TTC39B: variants seen among roughly 807,000 people sequenced by gnomAD.
TTC39B encodes tetratricopeptide repeat domain 39B.
Under a neutral mutation model 96.6 loss-of-function variants are expected in TTC39B, and 92 were observed. That is an observed-to-expected ratio of 0.95 (90% CI 0.80 to 1.13). The LOEUF (loss-of-function observed/expected upper bound fraction) is 1.13, where lower values mean the gene tolerates loss of function less well. TTC39B is among the 50% of genes most tolerant of loss of function. TTC39B has a pLI of 0.00. For missense variants in TTC39B, 955 were observed against 809.3 expected, an observed-to-expected ratio of 1.18 and a Z score of -2.18; for synonymous variants, 367 against 299.4, an observed-to-expected ratio of 1.23 and a Z score of -2.33.
rs995427098 is a variant in TTC39B, at chr9:15,281,676, G to C, written c.241-13728C>G. On this transcript the variant is annotated intron_variant, in intron 1 of 19. Transcript: ENST00000512701. The stretch of plus-strand genomic sequence containing the variant: ...TGGCAAAAAGCTAAATGCCTCTTCT[G>C]CATTTTTTTTTTCTTTTTGAGACAG... Among the ~76,000 whole-genome samples the C allele has an allele frequency of 1.2e-3, 149 of 129,324 alleles. 1 individual carries two copies. Among genetic ancestry groups the C allele is most frequent in the African/African-American group, 4.2e-3 (112 of 26,898 alleles). 84.8% of individuals were successfully genotyped at this position (129,324 alleles called of 152,430 possible).
At chr9:15,194,162 T>A (rs958563393) in intron 8 of TTC39B, among the ~76,000 whole-genome samples, 1 of 152,236 alleles carries the variant, frequency 6.6e-6, no homozygotes, top group African/African-American at 2.4e-5. Context: ...GATGGAAATT[T>A]TTTGTAATAA....
At chr9:15,263,260 G>A (rs1004376153) in intron 2 of TTC39B, among the ~76,000 whole-genome samples, 2 of 152,204 alleles carry the variant, frequency 1.3e-5, no homozygotes, top group Non-Finnish European at 2.9e-5. Context: ...GAGCAGAAAA[G>A]TACCGATGTT....
chr9:15,171,826 T>C, exon 20 of TTC39B: 1 of 377,736 alleles, frequency 2.6e-6, no homozygotes, highest in East Asian at 4.2e-5. Context: ...TTCTAGATAA[T>C]ATAGAATGCC....
chr9:15,198,922 G>A (rs1819348500), intron 8 of TTC39B, among the ~76,000 whole-genome samples: 1 of 152,124 alleles, frequency 6.6e-6, no homozygotes, highest in African/African-American at 2.4e-5. Context: ...CAGATTTCAA[G>A]ACAAGGAATA....
chr9:15,172,017 G>T, exon 20 of TTC39B: 1 of 1,609,862 alleles, frequency 6.2e-7, no homozygotes, highest in South Asian at 1.1e-5. Context: ...TTCAAGTTCT[G>T]ATCAATCTGA....
chr9:15,233,218 T>C (rs1331296742), intron 2 of TTC39B, among the ~76,000 whole-genome samples: 1 of 152,080 alleles, frequency 6.6e-6, no homozygotes, highest in African/African-American at 2.4e-5. Flanking sequence ...AGAAAACTGG[T>C]TCGAGAAGCA....
chr9:15,217,183 A>G (rs1820568903), intron 3 of TTC39B, among the ~76,000 whole-genome samples: 1 of 152,196 alleles, frequency 6.6e-6, no homozygotes, highest in Non-Finnish European at 1.5e-5. Flanking sequence ...TCTTTGAACA[A>G]AAGAAAATAC....
At chr9:15,240,697 A>G (rs1234478758) in intron 2 of TTC39B, among the ~76,000 whole-genome samples, 1 of 152,198 alleles carries the variant, frequency 6.6e-6, no homozygotes, top group Non-Finnish European at 1.5e-5. Context: ...CAAGAACAGT[A>G]TAATTTATTA....
intron 1 of TTC39B, among the ~76,000 whole-genome samples, chr9:15,278,989 G>A (rs1823650515): frequency 6.6e-6 from 1 of 152,178 alleles, no homozygotes; most frequent in Non-Finnish European, 1.5e-5. Flanking sequence ...AAGGCTCAGA[G>A]ATTTAAATAA....
chr9:15,285,258 G>C (rs1050940252), intron 1 of TTC39B, among the ~76,000 whole-genome samples: 44 of 148,300 alleles, frequency 3.0e-4, no homozygotes, highest in African/African-American at 1.1e-3. Context: ...GACAGAGCAA[G>C]ACTCCGTCTC....
intron 16 of TTC39B, 47 bp from the exon 17 acceptor site, chr9:15,182,462 A>G: frequency 1.5e-6 from 2 of 1,317,206 alleles, no homozygotes; most frequent in Non-Finnish European, 2.1e-6. Flanking sequence ...GAGGTTATTC[A>G]ATGTCCTTTA....
chr9:15,296,823 G>C (rs914872676), intron 1 of TTC39B, among the ~76,000 whole-genome samples: 1 of 152,112 alleles, frequency 6.6e-6, no homozygotes, highest in Non-Finnish European at 1.5e-5. Context: ...AAAAGGCAGG[G>C]CCAGGCATGG....
At chr9:15,184,562 T>C (rs917644582) in intron 16 of TTC39B, among the ~76,000 whole-genome samples, 1 of 152,242 alleles carries the variant, frequency 6.6e-6, no homozygotes, top group Non-Finnish European at 1.5e-5. Flanking sequence ...TCAGTATTTT[T>C]TGAAGAACAC....
intron 1 of TTC39B, among the ~76,000 whole-genome samples, chr9:15,295,102 T>C (rs1824325536): frequency 6.6e-6 from 1 of 152,200 alleles, no homozygotes; most frequent in Non-Finnish European, 1.5e-5. Context: ...GCACATTTAA[T>C]TCATAAGGCT....
At chr9:15,289,383 C>T (rs1824097102) in intron 1 of TTC39B, among the ~76,000 whole-genome samples, 1 of 152,160 alleles carries the variant, frequency 6.6e-6, no homozygotes, top group African/African-American at 2.4e-5. Flanking sequence ...TACACAAATG[C>T]TAATTAAATT....
intron 1 of TTC39B, among the ~76,000 whole-genome samples, chr9:15,278,013 T>A (rs1279823437): frequency 2.0e-5 from 3 of 152,134 alleles, no homozygotes; most frequent in Non-Finnish European, 2.9e-5. Context: ...ACAAAAAAAA[T>A]TTGAATTGTA....
At chr9:15,177,948 C>T (rs970496551) in intron 17 of TTC39B, 134 bp from the exon 18 acceptor site, 1 of 486,132 alleles carries the variant, frequency 2.1e-6, no homozygotes, top group Non-Finnish European at 3.6e-6. Flanking sequence ...CGGCTCACTG[C>T]AAGCTCCGTC....
chr9:15,233,476 C>G (rs978661100), intron 2 of TTC39B, among the ~76,000 whole-genome samples: 5 of 151,658 alleles, frequency 3.3e-5, no homozygotes, highest in Non-Finnish European at 7.4e-5. Flanking sequence ...CTGCCTCAGC[C>G]TGCCCAGTGC....
At chr9:15,181,655 T>C (rs146105961) in intron 17 of TTC39B, among the ~76,000 whole-genome samples, 35 of 152,324 alleles carry the variant, frequency 2.3e-4, no homozygotes, top group Middle Eastern at 6.8e-3. Context: ...CATTTCACCT[T>C]GAAAACTATT....
Sources: allele counts gnomAD v4.1 joint callset (sites outside exome capture counted in the v4.1 genomes callset), GRCh38; gene constraint gnomAD v4.1.1; transcripts MANE v1.5; gene names NCBI Gene and HGNC (gene_info 2026-07-23, HGNC 2026-07-21).